SYBU: variants seen among roughly 807,000 people sequenced by gnomAD.
SYBU encodes the protein GOLSYN A protein.
A neutral mutation model predicts 35.9 loss-of-function variants in SYBU; 21 were observed. That is an observed-to-expected ratio of 0.58 (90% CI 0.41 to 0.84). The LOEUF (loss-of-function observed/expected upper bound fraction) is 0.84. Ranked by LOEUF, SYBU falls within the 40% of genes least tolerant of loss-of-function variation. SYBU has a pLI of 0.00. For synonymous variants in SYBU, 319 were observed against 324.3 expected, an observed-to-expected ratio of 0.98 and a Z score of 0.18; for missense variants, 768 against 848.2, an observed-to-expected ratio of 0.91 and a Z score of 1.17.
chr8:109,655,977 G>A (rs1057060771), intron 1 of SYBU, among the ~76,000 whole-genome samples: 1 of 152,136 alleles, frequency 6.6e-6, no homozygotes, highest in South Asian at 2.1e-4. Context: ...TTAGCCAGGC[G>A]TGGTGACATG....
chr8:109,616,801 T>G (rs1376999916), intron 3 of SYBU, among the ~76,000 whole-genome samples: 1 of 152,024 alleles, frequency 6.6e-6, no homozygotes, highest in Non-Finnish European at 1.5e-5. Flanking sequence ...AAATGTTGAC[T>G]GAGTCTCTAA....
chr8:109,667,839 C>T (rs1816813574), intron 1 of SYBU, among the ~76,000 whole-genome samples: 1 of 152,068 alleles, frequency 6.6e-6, no homozygotes, highest in African/African-American at 2.4e-5. Flanking sequence ...AACCTTAGCC[C>T]AGCCTATTCA....
At position 109,574,984 on chromosome 8, in the gene SYBU, GT is replaced by G; in HGVS notation, c.1913del (p.Asn638ThrfsTer28). 1 of 1,559,990 alleles carries G rather than the reference GT, an allele frequency of 6.4e-7. No homozygotes were observed. Among genetic ancestry groups the G allele is most frequent in the Admixed American group, 1.9e-5 (1 of 52,282 alleles). On this transcript the variant is annotated frameshift_variant, in exon 7 of 7. Coordinates refer to ENST00000276646, the MANE Select transcript of SYBU (RefSeq NM_001099754.2). LOFTEE classifies it high-confidence loss of function. The part of the protein sequence containing the change: ...TQRGGTDPVY[N>X]IGALLRGCCV... ...AACAGCCCCTGAGCAAGGCCCCGAT[GT>G]TATACACAGGATCCGTTCCCCCTCT...
intron 1 of SYBU, among the ~76,000 whole-genome samples, chr8:109,670,011 CTAAT>C (rs1816918746): frequency 6.6e-6 from 1 of 151,720 alleles, no homozygotes; most frequent in South Asian, 2.1e-4. Context: ...GAGCAGAACT[CTAAT>C]AAATTCATTT....
chr8:109,598,624 T>A (rs907618688), intron 3 of SYBU, among the ~76,000 whole-genome samples: 1 of 152,260 alleles, frequency 6.6e-6, no homozygotes, highest in African/African-American at 2.4e-5. Context: ...GTGTTTGGTA[T>A]GTGTGCTGCT....
In SYBU at chr8:109,575,554, G is replaced by T; in HGVS notation, c.1344C>A (p.Ala448=). ...STDLFDEIVT[A]TTTESGDLEL... ...CCAGGTCACCAGATTCTGTGGTGGT[G>T]GCTGTCACTATCTCATCGAACAAAT... is the stretch of plus-strand genomic sequence containing the variant. Residue 448 remains alanine, a synonymous_variant, in exon 7 of 7, where the codon GCC becomes GCA. Coordinates refer to ENST00000276646, the MANE Select transcript of SYBU (RefSeq NM_001099754.2). 1 of 1,614,136 alleles carries T rather than the reference G, an allele frequency of 6.2e-7. No individual in the cohort carries two copies. Among genetic ancestry groups the T allele is most frequent in the South Asian group, 1.1e-5 (1 of 91,086 alleles).
rs200560610 is a variant in SYBU, at chr8:109,575,113, G to C, written c.1785C>G (p.Arg595=). The C allele has an allele frequency of 9.9e-6, 16 of 1,613,188 alleles. No homozygotes were observed. The East Asian group carries it at 3.6e-4, about 36-fold the overall frequency. ...TCCAGTACTGCCTCACGACGCCCCCGCGAGCCAGTGGGATGACACCATCCA... is the reference window on the plus strand; with the variant it reads ...TCCAGTACTGCCTCACGACGCCCCCCCGAGCCAGTGGGATGACACCATCCA... ...ERLDGVIPLA[R]GGVVRQYWSS... The change falls in exon 7 of 7, where the codon CGC becomes CGG. Residue 595 remains arginine, a synonymous_variant. Transcript: ENST00000276646.
chr8:109,643,311 A>T (rs1317884774), intron 1 of SYBU: 4 of 371,906 alleles, frequency 1.1e-5, no homozygotes, highest in Non-Finnish European at 1.5e-5. Flanking sequence ...ACTCTGGCTT[A>T]CTTGATAGCC....
intron 2 of SYBU, among the ~76,000 whole-genome samples, chr8:109,625,416 C>T (rs1214551192): frequency 6.6e-6 from 1 of 152,124 alleles, no homozygotes; most frequent in Non-Finnish European, 1.5e-5. Flanking sequence ...ATAAACATCA[C>T]TTTTAAAATG....
chr8:109,595,691 G>A (rs570979346), intron 3 of SYBU, among the ~76,000 whole-genome samples: 6 of 152,214 alleles, frequency 3.9e-5, no homozygotes, highest in Admixed American at 6.5e-5. Context: ...CAGGACTGTA[G>A]CATGCAGAGC....
At chr8:109,621,490 A>G (rs1399179808) in intron 2 of SYBU, among the ~76,000 whole-genome samples, 2 of 152,174 alleles carry the variant, frequency 1.3e-5, no homozygotes, top group African/African-American at 2.4e-5. Flanking sequence ...TTAAACCACT[A>G]CAAAAAGATC....
rs112858438 is a variant in SYBU, at chr8:109,688,167, G to A, written c.-58+3166C>T. On this transcript the variant is annotated intron_variant, in intron 1 of 7. Transcript: ENST00000422135. ...TTTATTTGTACATATTAGGAGAAAT[G>A]TAACTAACAGATGAAACATTATTTC... Among the ~76,000 whole-genome samples, 461 of 152,192 alleles carry A rather than the reference G, an allele frequency of 3.0e-3. 6 individuals are homozygous for A. The highest frequency in any genetic ancestry group is 0.01 in the African/African-American group (432 of 41,514).
At chr8:109,637,475 C>T (rs1382411987) in intron 2 of SYBU, among the ~76,000 whole-genome samples, 3 of 152,166 alleles carry the variant, frequency 2.0e-5, no homozygotes, top group Non-Finnish European at 4.4e-5. Context: ...CGTTTATAAT[C>T]TATTTCATTA....
chr8:109,592,523 G>C (rs1414975380), intron 3 of SYBU, among the ~76,000 whole-genome samples: 1 of 152,192 alleles, frequency 6.6e-6, no homozygotes, highest in African/African-American at 2.4e-5. Context: ...CTGAGAAAGG[G>C]AGGAGGCCTT....
rs940588781 is a variant in SYBU at position 109,691,463 on chromosome 8, G to A, written c.-188C>T. 2 of 578,812 alleles carry A rather than the reference G, an allele frequency of 3.5e-6. No individual in the cohort carries two copies. Among genetic ancestry groups the A allele is most frequent in the African/African-American group, 2.0e-5 (1 of 49,928 alleles). The allele number at this position is 578,812 out of a possible 1,614,324, so 35.9% of individuals were successfully genotyped here. ...CCGCGTCGCTGCTGGTTTGCGCTCA[G>A]GCCCGGGGAGCCGGGCCCGGCCCGC... On this transcript the variant is annotated 5_prime_UTR_variant, in exon 1 of 8. Transcript: ENST00000422135. This position sits in a 1 kb window ranked among gnomAD's most constrained non-coding sequence, Gnocchi z 4.7.
intron 1 of SYBU, among the ~76,000 whole-genome samples, chr8:109,654,595 C>T (rs10505132): frequency 0.31 from 47,372 of 151,944 alleles, 8,719 homozygotes; most frequent in East Asian, 0.52. Flanking sequence ...TTGCTATTTA[C>T]AGGCAGATCT....
At chr8:109,663,799 CT>C (rs1816660417) in intron 1 of SYBU, among the ~76,000 whole-genome samples, 1 of 151,874 alleles carries the variant, frequency 6.6e-6, no homozygotes, top group Non-Finnish European at 1.5e-5. Context: ...TTTGGCTTTG[CT>C]TATTGTTTCT....
At chr8:109,683,046 G>A (rs867735561), upstream of SYBU, among the ~76,000 whole-genome samples, 1 of 152,250 alleles carries the variant, frequency 6.6e-6, no homozygotes, top group Non-Finnish European at 1.5e-5. Context: ...TCACCTGGAT[G>A]TCCAGGGAGA....
At chr8:109,622,539 A>G (rs1052104168) in intron 2 of SYBU, among the ~76,000 whole-genome samples, 9 of 152,084 alleles carry the variant, frequency 5.9e-5, no homozygotes, top group Non-Finnish European at 1.0e-4. Flanking sequence ...GGCCACATTT[A>G]CTCTGAGATT....
Sources: gnomAD v4.1 joint callset for allele counts (sites outside exome capture counted in the v4.1 genomes callset) on GRCh38, gnomAD v4.1.1 for gene constraint, Gnocchi (gnomAD v3.1) non-coding constraint, MANE v1.5 for transcripts, NCBI Gene and HGNC (gene_info 2026-07-23, HGNC 2026-07-21) for gene names.